Variants in USP10 observed in about 807,000 individuals in gnomAD.
The protein encoded by USP10 is ubiquitin carboxyl-terminal hydrolase 10.
Under a neutral mutation model 84.5 loss-of-function variants are expected in USP10, and 22 were observed. The observed-to-expected ratio is 0.26, with a 90% confidence interval of 0.19 to 0.37. USP10 has a LOEUF of 0.37. Among genes scored for constraint, USP10 ranks in the 10% least tolerant of loss-of-function variants. The probability of loss-of-function intolerance (pLI) is 1.00; values close to 1 mark genes in which losing one functional copy is unlikely to be tolerated. For synonymous variants in USP10, 454 were observed against 387.6 expected, an observed-to-expected ratio of 1.17 and a Z score of -2.01; for missense variants, 1,019 against 998.9, an observed-to-expected ratio of 1.02 and a Z score of -0.27.
chr16:84,749,991 C>T (rs1911718803), intron 4 of USP10, among the ~76,000 whole-genome samples: 1 of 151,996 alleles, frequency 6.6e-6, no homozygotes, highest in Non-Finnish European at 1.5e-5. Flanking sequence ...TTCCTTTAGC[C>T]CCAAGGGAAG....
chr16:84,708,119 C>A (rs190522344), intron 1 of USP10, among the ~76,000 whole-genome samples: 1 of 151,660 alleles, frequency 6.6e-6, no homozygotes, highest in Non-Finnish European at 1.5e-5. Context: ...ACTTCCACCC[C>A]CTTAGTAGTA....
intron 1 of USP10, among the ~76,000 whole-genome samples, chr16:84,712,749 C>A (rs1421321272): frequency 6.6e-6 from 1 of 152,190 alleles, no homozygotes; most frequent in Admixed American, 6.5e-5. Flanking sequence ...TCTTCAGGTT[C>A]TTCAGTGCTC....
At chr16:84,740,842 TC>T (rs759384270) in intron 3 of USP10, among the ~76,000 whole-genome samples, 19 of 152,256 alleles carry the variant, frequency 1.2e-4, no homozygotes, top group Non-Finnish European at 2.1e-4. Flanking sequence ...GGTCAACTCT[TC>T]ACCTCCTGGT....
At chr16:84,778,822 A>T in intron 13 of USP10, 73 bp from the exon 14 acceptor site, 2 of 1,445,754 alleles carry the variant, frequency 1.4e-6, no homozygotes, top group South Asian at 2.7e-5. Context: ...CCCTGGAGGG[A>T]AGTCGGCGGA....
At chr16:84,759,746 C>T (rs1441911325) in intron 6 of USP10, 145 bp from the exon 7 acceptor site, 2 of 838,056 alleles carry the variant, frequency 2.4e-6, no homozygotes, top group Non-Finnish European at 1.9e-6. Context: ...ATAGAAGAGA[C>T]TTGAGTTCAC....
chr16:84,748,877 C>A (rs1017938726), intron 4 of USP10, among the ~76,000 whole-genome samples: 1 of 152,182 alleles, frequency 6.6e-6, no homozygotes, highest in African/African-American at 2.4e-5. Context: ...CACACACAGT[C>A]CACGTAATTA....
At chr16:84,745,778 G>A in intron 4 of USP10, 105 bp downstream of exon 4, 2 of 1,203,174 alleles carry the variant, frequency 1.7e-6, no homozygotes, top group South Asian at 1.6e-5. Flanking sequence ...TTACCTGTGT[G>A]TTAATAGCAA....
intron 1 of USP10, among the ~76,000 whole-genome samples, chr16:84,725,403 CTTTTTTCTTTTT>C (rs1319631773): frequency 6.6e-6 from 1 of 151,910 alleles, no homozygotes; most frequent in Admixed American, 6.6e-5. Context: ...TCTTTCTTTT[CTTTTTTCTTTTT>C]TGAGACGGAG....
Position 84,711,356 on chromosome 16 carries a change from A to G in USP10, c.21+11245A>G, listed in dbSNP as rs559311916. Among the ~76,000 whole-genome samples the G allele has an allele frequency of 3.3e-5, 5 of 152,288 alleles. No individual in the cohort carries two copies. In the East Asian group the frequency reaches 9.6e-4, roughly 29 times the overall value. On this transcript the variant is annotated intron_variant, in intron 1 of 13. Transcript: ENST00000219473. ...ATAGGACCTTTGTGGACAGCATGGG[A>G]TCAGCACACTCCCCCACAGCTCAGT...
chr16:84,761,769 T>C (rs948632365), intron 8 of USP10, among the ~76,000 whole-genome samples: 13 of 152,254 alleles, frequency 8.5e-5, no homozygotes, highest in Admixed American at 8.5e-4. Context: ...GTATCAGTTA[T>C]TGGACCGATG....
chr16:84,702,993 CAAAAAAA>C (rs1157728872), intron 1 of USP10, among the ~76,000 whole-genome samples: 7 of 52,172 alleles, frequency 1.3e-4, no homozygotes, highest in South Asian at 7.0e-4. Flanking sequence ...ACTCCCGTCT[CAAAAAAA>C]AAAAAAAAAA....
chr16:84,765,100 A>G (rs1320772691), intron 10 of USP10, among the ~76,000 whole-genome samples: 2 of 151,662 alleles, frequency 1.3e-5, no homozygotes, highest in Non-Finnish European at 2.9e-5. Context: ...TAACCAAACC[A>G]TGTGTTTTGG....
At chr16:84,700,572 C>G (rs988993341) in intron 1 of USP10, among the ~76,000 whole-genome samples, 8 of 152,150 alleles carry the variant, frequency 5.3e-5, no homozygotes, top group African/African-American at 1.9e-4. Flanking sequence ...GCCCTGTTGC[C>G]CCTTTGCCCC....
At position 84,745,343 on chromosome 16, in the gene USP10, C is replaced by A; in HGVS notation, c.862C>A (p.Gln288Lys). Residue 288 changes from glutamine to lysine, a missense_variant, in exon 4 of 14, where the codon CAA (glutamine) becomes AAA (lysine). By Grantham distance (53) the Gln-to-Lys change is moderately conservative (BLOSUM62 1). Around this residue, in one of 2 missense-constraint regions of USP10, gnomAD observed 787 missense variants for 708.8 expected, o/e 1.11. Coordinates refer to ENST00000219473, the MANE Select transcript of USP10 (RefSeq NM_005153.3). Reference sequence around the variant, plus strand: ...TGAAAACCTTGGAGTTGCTAATGGACAAATACTTGAATCCTCGGGTGAGGG... The same window carrying A: ...TGAAAACCTTGGAGTTGCTAATGGAAAAATACTTGAATCCTCGGGTGAGGG... ...TTENLGVANG[Q>K]ILESSGEGTA... is the part of the protein sequence containing the mutation. The A allele has an allele frequency of 3.1e-6, 5 of 1,613,090 alleles. No homozygotes were observed. The highest frequency in any genetic ancestry group is 4.2e-6 in the Non-Finnish European group (5 of 1,179,732).
intron 1 of USP10, among the ~76,000 whole-genome samples, chr16:84,703,273 A>G (rs62048815): frequency 0.28 from 43,141 of 152,048 alleles, 7,625 homozygotes; most frequent in Non-Finnish European, 0.41. Context: ...ATTTGAAGCT[A>G]TTAGTTTTGC....
intron 1 of USP10, among the ~76,000 whole-genome samples, chr16:84,729,592 G>A (rs1229472367): frequency 1.3e-5 from 2 of 152,188 alleles, no homozygotes; most frequent in Admixed American, 6.5e-5. Flanking sequence ...GAGGCTGAGC[G>A]CCTTGCAGAG....
At chr16:84,762,867 T>G (rs574365579) in intron 8 of USP10, 122 bp from the exon 9 acceptor site, 3 of 567,140 alleles carry the variant, frequency 5.3e-6, no homozygotes, top group African/African-American at 1.8e-5. Context: ...TGTCATTGTT[T>G]GGAAATACTT....
intron 1 of USP10, among the ~76,000 whole-genome samples, chr16:84,718,755 C>CA (rs1268603491): frequency 1.3e-5 from 2 of 149,938 alleles, no homozygotes; most frequent in South Asian, 2.1e-4. Flanking sequence ...GACTGTCTGA[C>CA]AAAAAAACAA....
chr16:84,756,386 A>T (rs1356652529), intron 4 of USP10, among the ~76,000 whole-genome samples: 1 of 152,220 alleles, frequency 6.6e-6, no homozygotes, highest in African/African-American at 2.4e-5. Flanking sequence ...TGAACTCAGG[A>T]GTTCAAGACC....
Sources: allele counts gnomAD v4.1 joint callset (sites outside exome capture counted in the v4.1 genomes callset), GRCh38; gene constraint gnomAD v4.1.1; regional missense constraint gnomAD v4.1.1; transcripts MANE v1.5; gene names NCBI Gene and HGNC (gene_info 2026-07-23, HGNC 2026-07-21).